Variants in CAMTA1 observed in about 807,000 individuals in gnomAD.
CAMTA1 encodes the protein calmodulin-binding transcription activator 1.
CAMTA1 carries 27 observed loss-of-function variants against 170.9 expected under a neutral mutation model. That is an observed-to-expected ratio of 0.16 (90% CI 0.12 to 0.22). The LOEUF (loss-of-function observed/expected upper bound fraction) is 0.22. Ranked by LOEUF, CAMTA1 falls within the 10% of genes least tolerant of loss-of-function variation. The pLI is 1.00. For synonymous variants in CAMTA1, 833 were observed against 891.5 expected (o/e 0.93, Z 1.17); for missense variants, 1,619 against 2,217.2 (o/e 0.73, Z 5.42).
At chr1:7,759,148 C>CAGAAA (rs556415885) in intron 22 of CAMTA1, among the ~76,000 whole-genome samples, 3,529 of 151,362 alleles carry the variant, frequency 0.023, 114 homozygotes, top group African/African-American at 0.073. Flanking sequence ...GACCCTGTCC[C>CAGAAA]AGAAAAGAAA....
chr1:7,704,960 G>GCGCGCGCGGGGCGGGGGCGGGGC (rs2096493201), intron 11 of CAMTA1, among the ~76,000 whole-genome samples: 1 of 136,566 alleles, frequency 7.3e-6, no homozygotes, highest in Non-Finnish European at 1.6e-5. Context: ...GCCGGCGGGG[G>GCGCGCGCGGGGCGGGGGCGGGGC]CGCGCGCGGG....
chr1:7,058,756 A>G (rs1707755336), intron 3 of CAMTA1, among the ~76,000 whole-genome samples: 1 of 152,164 alleles, frequency 6.6e-6, no homozygotes, highest in African/African-American at 2.4e-5. Context: ...CTTTCCTTAA[A>G]CTAGCACATT....
chr1:7,732,429 T>A lies in CAMTA1; in HGVS notation c.2915-19T>A. 1 of 1,609,504 alleles carries A rather than the reference T, an allele frequency of 6.2e-7. No homozygotes were observed. Among genetic ancestry groups the A allele is most frequent in the South Asian group, 1.1e-5 (1 of 90,942 alleles). ...TTCTTCCAGAACACAACCTCACTCT[T>A]CCTCCTGCTCTGCCCTAGATAACCA... is the stretch of plus-strand genomic sequence containing the variant. On this transcript the variant is annotated intron_variant, in intron 11 of 22. Transcript: ENST00000303635. This position sits in a 1 kb window ranked among gnomAD's most constrained non-coding sequence, Gnocchi z 4.1.
At chr1:6,902,852 AT>A (rs1313095011) in intron 3 of CAMTA1, among the ~76,000 whole-genome samples, 42 of 152,344 alleles carry the variant, frequency 2.8e-4, no homozygotes, top group Non-Finnish European at 4.0e-4. Context: ...ACTCTCAAAC[AT>A]TGCTGGTTGG....
chr1:7,008,532 A>C (rs1304646116), intron 3 of CAMTA1: 1 of 152,212 alleles, frequency 6.6e-6, no homozygotes, highest in Non-Finnish European at 1.5e-5. Context: ...GGGGCCGGCA[A>C]GGTGGCTGAG....
chr1:7,664,159 T>A lies in CAMTA1; in HGVS notation c.1612T>A (p.Ser538Thr), dbSNP rs187356858. 141 of 1,612,946 alleles carry A rather than the reference T, an allele frequency of 8.7e-5. 3 individuals are homozygous for A. The East Asian group carries it at 1.6e-3, about 19-fold the overall frequency. ...LTKEIKTEDT[S>T]FEQQMAKEAY... ...CAAGGAGATCAAGACCGAGGACACC[T>A]CCTTCGAGCAGCAGATGGCCAAAGA... The change falls in exon 9 of 23, where the codon TCC becomes ACC. Residue 538 changes from serine to threonine, a missense_variant. Transcript: ENST00000303635.
intron 5 of CAMTA1, among the ~76,000 whole-genome samples, chr1:7,394,090 C>T (rs868688821): frequency 4.6e-5 from 7 of 152,248 alleles, no homozygotes; most frequent in Admixed American, 6.5e-5. Context: ...TTTCTTTATA[C>T]ATTCATCTGC....
At position 7,519,740 on chromosome 1, in the gene CAMTA1, C is replaced by G. The variant is rs1311106481; in HGVS notation, c.510+51839C>G. ...GCTAATCCTTTGTCCCCTTACTCCT[C>G]CTCAGGGGCTCCTTCTCTCCCTGAC... On this transcript the variant is annotated intron_variant, in intron 6 of 22. Transcript: ENST00000303635. Among the ~76,000 whole-genome samples the G allele has an allele frequency of 2.6e-5, 4 of 151,720 alleles. 1 individual carries two copies. The highest frequency in any genetic ancestry group is 9.7e-5 in the African/African-American group (4 of 41,068).
At chr1:7,078,252 A>C (rs1393522571) in intron 3 of CAMTA1, among the ~76,000 whole-genome samples, 1 of 152,192 alleles carries the variant, frequency 6.6e-6, no homozygotes, top group South Asian at 2.1e-4. Context: ...TTTTATATTC[A>C]GGTTTATATC....
intron 6 of CAMTA1, among the ~76,000 whole-genome samples, chr1:7,518,186 T>C (rs1016826872): frequency 1.3e-5 from 2 of 152,096 alleles, no homozygotes; most frequent in African/African-American, 2.4e-5. Context: ...CTCAGGCTGC[T>C]TGGAGACTGT....
intron 5 of CAMTA1, among the ~76,000 whole-genome samples, chr1:7,265,206 A>C (rs779972077): frequency 3.3e-5 from 5 of 152,212 alleles, no homozygotes; most frequent in Non-Finnish European, 5.9e-5. Context: ...TGTGGTGGTG[A>C]GTCCTGGAAA....
At chr1:7,704,359 G>A (rs1214287824) in intron 11 of CAMTA1, among the ~76,000 whole-genome samples, 2 of 146,150 alleles carry the variant, frequency 1.4e-5, no homozygotes, top group East Asian at 2.0e-4. Context: ...CAGCCGTCGG[G>A]CTCCGAGCCG....
At position 7,139,158 on chromosome 1, in the gene CAMTA1, AAT is replaced by A. The variant is rs1254300852; in HGVS notation, c.302+47795_302+47796del. Among the ~76,000 whole-genome samples, 135 of 142,256 alleles carry A rather than the reference AAT, an allele frequency of 9.5e-4. 2 individuals carry two copies. The highest frequency in any genetic ancestry group is 3.6e-3 in the Middle Eastern group (1 of 276). The allele number at this position is 142,256 out of a possible 152,430, so 93.3% of individuals were successfully genotyped here. On this transcript the variant is annotated intron_variant, in intron 4 of 22. Transcript: ENST00000303635. ...ATAAATAAACAAATATATAAATATA[AAT>A]ATATATAAATATATAAAATATTTAG...
At chr1:7,412,632 T>C (rs1222463908) in intron 5 of CAMTA1, among the ~76,000 whole-genome samples, 1 of 152,200 alleles carries the variant, frequency 6.6e-6, no homozygotes, top group Non-Finnish European at 1.5e-5. Flanking sequence ...TTTGTTTGAG[T>C]TCATTGTAGA....
intron 3 of CAMTA1, among the ~76,000 whole-genome samples, chr1:7,068,426 G>A (rs568460591): frequency 2.4e-4 from 37 of 151,954 alleles, no homozygotes; most frequent in Admixed American, 7.9e-4. Context: ...TTTAAATTTG[G>A]TGACTACCCA....
At chr1:7,034,817 T>C (rs1327344945) in intron 3 of CAMTA1, among the ~76,000 whole-genome samples, 2 of 152,182 alleles carry the variant, frequency 1.3e-5, no homozygotes, top group Admixed American at 6.5e-5. Flanking sequence ...TTAGTTATTT[T>C]AAGCAGGAGA....
rs2097037400 is a variant in CAMTA1 at position 7,768,501 on chromosome 1, A to G, written c.*2010A>G. ...GTGAAGCCTAAAAATATTCACAAAT[A>G]AGCTTTTAAACTGGTGTCTTTGGAA... On this transcript the variant is annotated 3_prime_UTR_variant, in exon 23 of 23. Coordinates refer to ENST00000303635, the MANE Select transcript of CAMTA1 (RefSeq NM_015215.4). 1 of 152,794 alleles carries G rather than the reference A, an allele frequency of 6.5e-6. No homozygotes were observed. The highest frequency in any genetic ancestry group is 2.4e-5 in the African/African-American group (1 of 41,456). 9.5% of individuals were successfully genotyped at this position (152,794 alleles called of 1,614,324 possible). A position where few individuals can be genotyped will look rare whatever the true frequency, so the allele number is the denominator to read the frequency against.
intron 5 of CAMTA1, among the ~76,000 whole-genome samples, chr1:7,252,045 C>T (rs1422854129): frequency 6.6e-6 from 1 of 152,314 alleles, no homozygotes; most frequent in Admixed American, 6.5e-5. Context: ...CTGGCCATAG[C>T]CCCCACTTTA....
chr1:7,282,251 C>T (rs1349965411), intron 5 of CAMTA1, among the ~76,000 whole-genome samples: 3 of 152,258 alleles, frequency 2.0e-5, no homozygotes, highest in African/African-American at 4.8e-5. Context: ...CCACCTGTGT[C>T]GCCTGACATG....
Sources: gnomAD v4.1 joint callset for allele counts (sites outside exome capture counted in the v4.1 genomes callset) on GRCh38, gnomAD v4.1.1 for gene constraint, Gnocchi (gnomAD v3.1) non-coding constraint, MANE v1.5 for transcripts, NCBI Gene and HGNC (gene_info 2026-07-23, HGNC 2026-07-21) for gene names.